Variants in DAW1 observed in about 807,000 individuals in gnomAD.
The protein encoded by DAW1 is dynein assembly factor with WD repeat domains 1.
DAW1 carries 47 observed loss-of-function variants against 56.5 expected under a neutral mutation model. That is an observed-to-expected ratio of 0.83 (90% CI 0.66 to 1.06). The LOEUF is 1.06. Among genes scored for constraint, DAW1 ranks in the 50% least tolerant of loss-of-function variants. The probability of loss-of-function intolerance (pLI) is 0.00; values close to 1 mark genes in which losing one functional copy is unlikely to be tolerated. For synonymous variants in DAW1, 190 were observed against 179.0 expected, an observed-to-expected ratio of 1.06 and a Z score of -0.49; for missense variants, 505 against 499.3, an observed-to-expected ratio of 1.01 and a Z score of -0.11.
chr2:227,907,221 T>C lies in DAW1; in HGVS notation c.942T>C (p.Thr314=), dbSNP rs1407223915. 2 of 1,613,550 alleles carry C rather than the reference T, an allele frequency of 1.2e-6. No homozygotes were observed. The highest frequency in any genetic ancestry group is 1.7e-6 in the Non-Finnish European group (2 of 1,179,778). The change falls in exon 10 of 13, where the codon ACT becomes ACC. Residue 314 remains threonine, a synonymous_variant. Coordinates refer to ENST00000309931, the MANE Select transcript of DAW1 (RefSeq NM_178821.3). ...DEILDSCFDY[T]GKLIATASAD... The stretch of plus-strand genomic sequence containing the variant: ...TACTAGACAGCTGCTTTGATTACAC[T>C]GGAAAGCTTATTGCAACTGCTTCAG...
chr2:227,909,362 A>T (rs1365183571), intron 10 of DAW1, among the ~76,000 whole-genome samples: 1 of 147,956 alleles, frequency 6.8e-6, no homozygotes, highest in Non-Finnish European at 1.5e-5. Context: ...ATTTTTATAT[A>T]TTATATATTT....
intron 3 of DAW1, 30 bp from the exon 4 acceptor site, chr2:227,891,225 T>G: frequency 6.3e-7 from 1 of 1,598,818 alleles, no homozygotes; most frequent in East Asian, 2.2e-5. Flanking sequence ...TTGGTTTGAG[T>G]CTAAAAAATG....
intron 1 of DAW1, among the ~76,000 whole-genome samples, chr2:227,884,941 G>A (rs1160557944): frequency 6.6e-6 from 1 of 152,118 alleles, no homozygotes; most frequent in East Asian, 1.9e-4. Context: ...TTCCACTGGG[G>A]GATCAGACTG....
intron 10 of DAW1, among the ~76,000 whole-genome samples, chr2:227,910,416 G>A (rs142672672): frequency 1.5e-3 from 235 of 151,808 alleles, no homozygotes; most frequent in Middle Eastern, 0.014. Context: ...AGGTTACAGC[G>A]AACTATGATT....
intron 10 of DAW1, 151 bp from the exon 11 acceptor site, chr2:227,918,629 A>G: frequency 2.6e-6 from 2 of 770,550 alleles, no homozygotes. Context: ...CATTTAGAGT[A>G]TTAAGTATCT....
intron 10 of DAW1, among the ~76,000 whole-genome samples, chr2:227,914,242 T>C (rs942364326): frequency 6.6e-6 from 1 of 152,030 alleles, no homozygotes; most frequent in Non-Finnish European, 1.5e-5. Context: ...TTATCTTATA[T>C]TTTGGGTCAT....
intron 1 of DAW1, among the ~76,000 whole-genome samples, chr2:227,882,457 A>G (rs1691034190): frequency 6.6e-6 from 1 of 152,234 alleles, no homozygotes; most frequent in South Asian, 2.1e-4. Flanking sequence ...AAATCCCAAC[A>G]GAACAACCTA....
intron 5 of DAW1, among the ~76,000 whole-genome samples, chr2:227,894,805 T>C (rs1474091414): frequency 6.6e-6 from 1 of 152,234 alleles, no homozygotes; most frequent in Non-Finnish European, 1.5e-5. Flanking sequence ...TCTATAGCAG[T>C]GAACATACCC....
At chr2:227,882,608 C>CT (rs1691036264) in intron 1 of DAW1, among the ~76,000 whole-genome samples, 1 of 152,214 alleles carries the variant, frequency 6.6e-6, no homozygotes, top group South Asian at 2.1e-4. Context: ...ACAGTGAAGT[C>CT]TGATAGTTGT....
intron 1 of DAW1, among the ~76,000 whole-genome samples, chr2:227,881,368 C>A (rs186744998): frequency 3.9e-5 from 6 of 152,358 alleles, no homozygotes; most frequent in African/African-American, 1.4e-4. Context: ...ACACAAATCA[C>A]AGGCCTGCTG....
At chr2:227,922,295 TG>T (rs1269210897) in intron 12 of DAW1, among the ~76,000 whole-genome samples, 3 of 152,216 alleles carry the variant, frequency 2.0e-5, no homozygotes, top group Non-Finnish European at 4.4e-5. Context: ...CACTAATGTC[TG>T]GGGGGAAAGA....
intron 10 of DAW1, 123 bp downstream of exon 10, chr2:227,907,375 T>C (rs1349386450): frequency 1.4e-6 from 1 of 728,594 alleles, no homozygotes; most frequent in African/African-American, 1.8e-5. Context: ...CCATGTCTCA[T>C]CTCTATCGTG....
intron 1 of DAW1, chr2:227,872,013 C>T (rs1690763074): frequency 2.1e-6 from 1 of 476,026 alleles, no homozygotes; most frequent in South Asian, 3.9e-5. Flanking sequence ...TTTGTGCTCT[C>T]TGCTATGGAC....
intron 1 of DAW1, among the ~76,000 whole-genome samples, chr2:227,883,918 C>A (rs778840240): frequency 6.6e-6 from 1 of 151,994 alleles, no homozygotes; most frequent in Non-Finnish European, 1.5e-5. Context: ...TGGAAAAAAA[C>A]CAAAAACTCT....
intron 1 of DAW1, among the ~76,000 whole-genome samples, chr2:227,882,844 T>C (rs1268141637): frequency 1.3e-5 from 2 of 152,214 alleles, no homozygotes; most frequent in African/African-American, 4.8e-5. Flanking sequence ...TGCCACCTTG[T>C]GAAGAAGGTG....
intron 12 of DAW1, among the ~76,000 whole-genome samples, chr2:227,922,702 C>T (rs1216921553): frequency 6.6e-6 from 1 of 152,300 alleles, no homozygotes; most frequent in East Asian, 1.9e-4. Context: ...AAATGCCTCC[C>T]CAGTCTACTT....
intron 6 of DAW1, among the ~76,000 whole-genome samples, chr2:227,900,345 TCA>T (rs1292838568): frequency 6.6e-6 from 1 of 152,214 alleles, no homozygotes; most frequent in African/African-American, 2.4e-5. Flanking sequence ...TTCATCTTTT[TCA>T]CAGTCAACAA....
intron 6 of DAW1, among the ~76,000 whole-genome samples, chr2:227,901,491 A>G (rs60026510): frequency 0.41 from 62,189 of 151,624 alleles, 13,888 homozygotes; most frequent in Admixed American, 0.56. Context: ...CCAATGAGCA[A>G]TTGAAATTGC....
chr2:227,913,155 T>A (rs62201058), intron 10 of DAW1, among the ~76,000 whole-genome samples: 73,642 of 151,988 alleles, frequency 0.48, 18,311 homozygotes, highest in Middle Eastern at 0.63. Flanking sequence ...TTTCAGAACC[T>A]CGCATGAGAA....
Sources: allele counts gnomAD v4.1 joint callset (sites outside exome capture counted in the v4.1 genomes callset), GRCh38; gene constraint gnomAD v4.1.1; transcripts MANE v1.5; gene names NCBI Gene and HGNC (gene_info 2026-07-23, HGNC 2026-07-21).